The following LRIG2 variants were observed in gnomAD, a reference collection of about 807,000 sequenced individuals.
LRIG2 encodes the protein leucine-rich repeats and immunoglobulin-like domains protein 2.
A neutral mutation model predicts 107.8 loss-of-function variants in LRIG2; 93 were observed. That is an observed-to-expected ratio of 0.86 (90% CI 0.73 to 1.03). The LOEUF is 1.03. LRIG2 is among the 50% of genes least tolerant of loss of function. The probability of loss-of-function intolerance (pLI) is 0.00; values close to 1 mark genes in which losing one functional copy is unlikely to be tolerated. For synonymous variants in LRIG2, 471 were observed against 470.6 expected (o/e 1.00, Z -0.01); for missense variants, 1,226 against 1,296.0 (o/e 0.95, Z 0.83).
Position 113,114,771 on chromosome 1 carries a change from GTCA to G in LRIG2, c.2430_2432del (p.Ile811del), listed in dbSNP as rs1233858715. ...TGATGGCTGGACCACAGTTGGCATT[GTCA>G]TCATTGTTGTGGTCTGCTGTGTTGT... On this transcript the variant is annotated inframe_deletion, in exon 15 of 18. Transcript: ENST00000361127. 1.9e-6 allele frequency: 3 copies of G among 1,614,138 alleles called. No homozygotes were observed. The highest frequency in any genetic ancestry group is 2.5e-6 in the Non-Finnish European group (3 of 1,180,014).
In LRIG2 at chr1:113,114,896, C is replaced by T; in HGVS notation, c.2530+20C>T. The T allele has an allele frequency of 6.4e-7, 1 of 1,560,904 alleles. No individual in the cohort carries two copies. Among genetic ancestry groups the T allele is most frequent in the Non-Finnish European group, 8.7e-7 (1 of 1,147,956 alleles). ...ACACAGGTAAGTAGTACCCACATGACACCTATGGCTTGTACTTCAGTCAAG... is the reference window on the plus strand; with the variant it reads ...ACACAGGTAAGTAGTACCCACATGATACCTATGGCTTGTACTTCAGTCAAG... On this transcript the variant is annotated intron_variant, in intron 15 of 17. Transcript: ENST00000361127.
At chr1:113,081,195 G>A (rs901536429) in intron 1 of LRIG2, among the ~76,000 whole-genome samples, 2 of 152,040 alleles carry the variant, frequency 1.3e-5, no homozygotes, top group Non-Finnish European at 2.9e-5. Flanking sequence ...GGGATGTTTC[G>A]TCTAATTGCC....
At chr1:113,096,809 T>C (rs188451522) in intron 8 of LRIG2, among the ~76,000 whole-genome samples, 6 of 152,318 alleles carry the variant, frequency 3.9e-5, no homozygotes, top group Non-Finnish European at 8.8e-5. Flanking sequence ...CAGAAGAAAC[T>C]AATACTTATT....
intron 17 of LRIG2, among the ~76,000 whole-genome samples, chr1:113,122,959 G>A (rs1375971789): frequency 6.6e-6 from 1 of 152,182 alleles, no homozygotes; most frequent in South Asian, 2.1e-4. Flanking sequence ...ACCCTATGAA[G>A]TTAATATAAC....
chr1:113,122,791 G>A (rs1655321155), intron 17 of LRIG2, among the ~76,000 whole-genome samples: 1 of 152,182 alleles, frequency 6.6e-6, no homozygotes, highest in African/African-American at 2.4e-5. Context: ...AGCAGATCTA[G>A]CAAATCAGAG....
chr1:113,114,777 A>G lies in LRIG2; in HGVS notation c.2431A>G (p.Ile811Val), dbSNP rs1322756156. 6.2e-7 allele frequency: 1 copy of G among 1,614,114 alleles called. No homozygotes were observed. Residue 811 changes from isoleucine to valine, a missense_variant, in exon 15 of 18, where the codon ATT becomes GTT. Physicochemically the swap from Ile to Val is conservative, Grantham distance 29. This residue lies in a region of LRIG2 where 642 missense variants were observed against 712.2 expected (regional missense o/e 0.90). Coordinates refer to ENST00000361127, the MANE Select transcript of LRIG2 (RefSeq NM_014813.3). ...CTGGACCACAGTTGGCATTGTCATC[A>G]TTGTTGTGGTCTGCTGTGTTGTTGG... The part of the protein sequence containing the change: ...DGWTTVGIVI[I>V]VVVCCVVGTS...
intron 11 of LRIG2, among the ~76,000 whole-genome samples, chr1:113,106,339 A>C (rs1654539855): frequency 6.6e-6 from 1 of 152,228 alleles, no homozygotes; most frequent in Non-Finnish European, 1.5e-5. Context: ...GCAAGTTCTC[A>C]AAATCATTTA....
chr1:113,078,396 G>A (rs1274201551), intron 1 of LRIG2, among the ~76,000 whole-genome samples: 2 of 151,860 alleles, frequency 1.3e-5, no homozygotes, highest in Non-Finnish European at 2.9e-5. Context: ...CCACCACCAC[G>A]CCAGGCTAAT....
chr1:113,078,638 ATTT>A (rs34531634), intron 1 of LRIG2, among the ~76,000 whole-genome samples: 5 of 139,016 alleles, frequency 3.6e-5, no homozygotes, highest in East Asian at 2.1e-4. Context: ...TCCTTTCTAC[ATTT>A]TTTTTTTTTT....
intron 1 of LRIG2, among the ~76,000 whole-genome samples, chr1:113,076,918 A>T (rs1557893502): frequency 6.6e-6 from 1 of 152,174 alleles, no homozygotes; most frequent in Admixed American, 6.5e-5. Flanking sequence ...CATACACAGC[A>T]TTGAAAGACT....
chr1:113,112,856 C>A, intron 14 of LRIG2, 96 bp downstream of exon 14: 1 of 1,166,650 alleles, frequency 8.6e-7, no homozygotes, highest in East Asian at 2.4e-5. Flanking sequence ...GAGATTACCT[C>A]TGTGATTCTT....
chr1:113,076,889 A>G (rs1276111726), intron 1 of LRIG2, among the ~76,000 whole-genome samples: 1 of 152,162 alleles, frequency 6.6e-6, no homozygotes, highest in Non-Finnish European at 1.5e-5. Context: ...TCTGTTTCAC[A>G]TTATTCTGAT....
In LRIG2 at chr1:113,110,921, G is replaced by T. The variant is rs1570762335; in HGVS notation, c.1798+359G>T. On this transcript the variant is annotated intron_variant, in intron 13 of 17. Coordinates refer to ENST00000361127, the MANE Select transcript of LRIG2 (RefSeq NM_014813.3). Reference sequence around the variant, plus strand: ...ATTCCTGATGGGCCTTCTAATAACTGGGAATATTTAGGACATTTTTGGGTC... The same window carrying T: ...ATTCCTGATGGGCCTTCTAATAACTTGGAATATTTAGGACATTTTTGGGTC... Among the ~76,000 whole-genome samples the T allele has an allele frequency of 1.3e-5, 2 of 152,084 alleles. 1 individual carries two copies. Among genetic ancestry groups the T allele is most frequent in the East Asian group, 3.8e-4 (2 of 5,204 alleles).
chr1:113,111,759 A>G (rs905331755), intron 13 of LRIG2, among the ~76,000 whole-genome samples: 1 of 149,926 alleles, frequency 6.7e-6, no homozygotes, highest in African/African-American at 2.4e-5. Context: ...ATACTTTTGA[A>G]GGCATAAGTT....
Position 113,073,301 on chromosome 1 carries a change from G to C in LRIG2, c.-106G>C. 2 of 917,864 alleles carry C rather than the reference G, an allele frequency of 2.2e-6. No individual in the cohort carries two copies. The highest frequency in any genetic ancestry group is 4.1e-5 in the Admixed American group (2 of 49,312). 56.9% of individuals were successfully genotyped at this position (917,864 alleles called of 1,614,324 possible). A position where few individuals can be genotyped will look rare whatever the true frequency, so the allele number is the denominator to read the frequency against. On this transcript the variant is annotated 5_prime_UTR_variant, in exon 1 of 18. Transcript: ENST00000361127. ...TTAGATGGTACAGCCTTCAGCCGGGGCTTCGGGAGACAGTGCAGCCACCGA... is the reference window on the plus strand; with the variant it reads ...TTAGATGGTACAGCCTTCAGCCGGGCCTTCGGGAGACAGTGCAGCCACCGA...
intron 1 of LRIG2, among the ~76,000 whole-genome samples, chr1:113,090,711 G>T (rs1046041878): frequency 6.6e-6 from 1 of 151,386 alleles, no homozygotes; most frequent in Non-Finnish European, 1.5e-5. Context: ...GGTGGCGGGC[G>T]CCTGTAGTCC....
rs2101057861 is a variant in LRIG2 at position 113,112,606 on chromosome 1, CT to C, written c.1929del (p.Pro644LeufsTer22). On this transcript the variant is annotated frameshift_variant, in exon 14 of 18. Transcript: ENST00000361127. LOFTEE classifies it high-confidence loss of function. ...CCTGGCAGAAAGATGGTGGTACTGA[CT>C]TTCCTGCGGCTCGAGAAAGACGCAT... ...ISWQKDGGTD[F>X]PAARERRMHV... The C allele has an allele frequency of 1.2e-6, 2 of 1,614,208 alleles. No individual in the cohort carries two copies. Among genetic ancestry groups the C allele is most frequent in the Non-Finnish European group, 1.7e-6 (2 of 1,180,042 alleles).
chr1:113,101,794 A>C (rs973970405), intron 11 of LRIG2, among the ~76,000 whole-genome samples: 1 of 152,214 alleles, frequency 6.6e-6, no homozygotes, highest in Non-Finnish European at 1.5e-5. Flanking sequence ...GGTTATGTGA[A>C]GATAAAGTGA....
chr1:113,079,330 A>G (rs1570721501), intron 1 of LRIG2, among the ~76,000 whole-genome samples: 1 of 144,374 alleles, frequency 6.9e-6, no homozygotes, highest in East Asian at 2.1e-4. Flanking sequence ...CCTGGGAGAC[A>G]GAGCAAGATC....
Sources: allele counts gnomAD v4.1 joint callset (sites outside exome capture counted in the v4.1 genomes callset), GRCh38; gene constraint gnomAD v4.1.1; regional missense constraint gnomAD v4.1.1; transcripts MANE v1.5; gene names NCBI Gene and HGNC (gene_info 2026-07-23, HGNC 2026-07-21).